CTNND2: variants seen among roughly 807,000 people sequenced by gnomAD.
CTNND2 encodes the protein catenin delta 2, also known as catenin delta-2.
CTNND2 carries 22 observed loss-of-function variants against 144.4 expected under a neutral mutation model. The observed-to-expected ratio is 0.15, with a 90% CI of 0.11 to 0.22. The LOEUF is 0.22. CTNND2 is among the 10% of genes least tolerant of loss of function. The pLI is 1.00. For synonymous variants in CTNND2, 751 were observed against 695.6 expected (o/e 1.08, Z -1.25); for missense variants, 1,353 against 1,618.8 (o/e 0.84, Z 2.82).
intron 8 of CTNND2, among the ~76,000 whole-genome samples, chr5:11,360,951 G>C (rs1756387684): frequency 6.6e-6 from 1 of 152,178 alleles, no homozygotes; most frequent in Admixed American, 6.5e-5. Flanking sequence ...GTTTTTAAAT[G>C]ATGATTTTTA....
intron 15 of CTNND2, among the ~76,000 whole-genome samples, chr5:11,093,140 G>C (rs1223991933): frequency 6.6e-6 from 1 of 152,200 alleles, no homozygotes; most frequent in Non-Finnish European, 1.5e-5. Context: ...GCAAATAACA[G>C]ATGCTTTGAA....
chr5:11,077,580 T>C (rs1045600869), intron 16 of CTNND2, among the ~76,000 whole-genome samples: 24 of 152,182 alleles, frequency 1.6e-4, no homozygotes, highest in African/African-American at 5.3e-4. Context: ...CTTCCACATC[T>C]GCCCTGCAAA....
intron 2 of CTNND2, among the ~76,000 whole-genome samples, chr5:11,640,877 T>C (rs1232314016): frequency 6.6e-6 from 1 of 152,188 alleles, no homozygotes; most frequent in Admixed American, 6.5e-5. Flanking sequence ...TACTGAACCC[T>C]ATCAACTCTG....
At chr5:11,771,646 G>A (rs1207924027) in intron 1 of CTNND2, among the ~76,000 whole-genome samples, 1 of 151,894 alleles carries the variant, frequency 6.6e-6, no homozygotes, top group Non-Finnish European at 1.5e-5. Context: ...CCTGACCCCC[G>A]TCTATTTACA....
intron 15 of CTNND2, among the ~76,000 whole-genome samples, chr5:11,085,499 G>T (rs1250186943): frequency 6.6e-6 from 1 of 152,154 alleles, no homozygotes; most frequent in Non-Finnish European, 1.5e-5. Flanking sequence ...CTTCCTGCAG[G>T]TGATGGGACA....
chr5:11,590,495 C>G (rs1397279896), intron 2 of CTNND2, among the ~76,000 whole-genome samples: 1 of 152,166 alleles, frequency 6.6e-6, no homozygotes, highest in Admixed American at 6.5e-5. Context: ...GCACCATGGT[C>G]AAGCCATCAT....
intron 11 of CTNND2, among the ~76,000 whole-genome samples, chr5:11,173,890 T>C (rs1265424223): frequency 1.3e-5 from 2 of 152,226 alleles, no homozygotes; most frequent in Non-Finnish European, 2.9e-5. Flanking sequence ...TGGTTGGTTT[T>C]TAAACACCAT....
chr5:11,089,087 C>T (rs1278560872), intron 15 of CTNND2, among the ~76,000 whole-genome samples: 1 of 152,200 alleles, frequency 6.6e-6, no homozygotes, highest in Non-Finnish European at 1.5e-5. Flanking sequence ...CAGCAGTCCT[C>T]TAAGTCACAC....
intron 3 of CTNND2, among the ~76,000 whole-genome samples, chr5:11,422,945 A>G (rs1049569234): frequency 6.6e-6 from 1 of 152,210 alleles, no homozygotes; most frequent in Non-Finnish European, 1.5e-5. Flanking sequence ...TATTCCCGGA[A>G]GCTTCTCATG....
chr5:11,351,213 C>T (rs1239453667), intron 8 of CTNND2, among the ~76,000 whole-genome samples: 2 of 152,210 alleles, frequency 1.3e-5, no homozygotes, highest in Non-Finnish European at 2.9e-5. Flanking sequence ...CCAAATCATT[C>T]TCCTTGTAGG....
intron 3 of CTNND2, among the ~76,000 whole-genome samples, chr5:11,512,850 G>C (rs1771780682): frequency 6.6e-6 from 1 of 152,182 alleles, no homozygotes; most frequent in Admixed American, 6.5e-5. Context: ...CACTGGCTTT[G>C]AGCAAAGTCT....
chr5:11,517,609 C>T (rs1021038791), intron 3 of CTNND2, among the ~76,000 whole-genome samples: 10 of 150,700 alleles, frequency 6.6e-5, no homozygotes, highest in African/African-American at 1.7e-4. Flanking sequence ...CATCACACAC[C>T]GGGGCCTCTC....
Position 11,326,298 on chromosome 5 carries a change from C to G in CTNND2, c.1628+20074G>C, listed in dbSNP as rs1318433854. Among the ~76,000 whole-genome samples the G allele has an allele frequency of 2.6e-5, 4 of 152,070 alleles. No individual in the cohort carries two copies. In the East Asian group the frequency reaches 7.7e-4, roughly 29 times the overall value. ...TTTCTATCTTTGGTTTTTATAGATG[C>G]AAGAGTTGAGAAGGTTTGTCCATAG... is the stretch of plus-strand genomic sequence containing the variant. On this transcript the variant is annotated intron_variant, in intron 9 of 21. Transcript: ENST00000304623.
intron 7 of CTNND2, among the ~76,000 whole-genome samples, chr5:11,370,112 A>G (rs547015300): frequency 3.9e-5 from 6 of 152,234 alleles, no homozygotes; most frequent in African/African-American, 9.6e-5. Flanking sequence ...GCAGCATTCA[A>G]TGGGAGATCA....
intron 3 of CTNND2, among the ~76,000 whole-genome samples, chr5:11,528,038 C>A (rs1773422779): frequency 6.6e-6 from 1 of 152,120 alleles, no homozygotes; most frequent in South Asian, 2.1e-4. Context: ...AAAACCCATG[C>A]AGTATGAGCA....
chr5:11,184,115 C>G (rs547840654), intron 11 of CTNND2, among the ~76,000 whole-genome samples: 1 of 152,190 alleles, frequency 6.6e-6, no homozygotes, highest in African/African-American at 2.4e-5. Flanking sequence ...ATCAGTATCT[C>G]GCAGTCTTAG....
At chr5:11,547,071 C>T (rs926512775) in intron 3 of CTNND2, among the ~76,000 whole-genome samples, 5 of 152,010 alleles carry the variant, frequency 3.3e-5, no homozygotes, top group Non-Finnish European at 5.9e-5. Context: ...GGGTTCAAGA[C>T]CAGCCTGGCC....
chr5:11,246,327 G>A (rs1742992968), intron 9 of CTNND2, among the ~76,000 whole-genome samples: 1 of 152,172 alleles, frequency 6.6e-6, no homozygotes, highest in Non-Finnish European at 1.5e-5. Context: ...AGATGTAATT[G>A]AGGTAAGGAT....
At chr5:11,246,923 T>C (rs1014321082) in intron 9 of CTNND2, among the ~76,000 whole-genome samples, 16 of 152,212 alleles carry the variant, frequency 1.1e-4, no homozygotes, top group Non-Finnish European at 1.5e-4. Flanking sequence ...CGGGCCCTAC[T>C]GGGAGACCAA....
Sources: allele counts gnomAD v4.1 joint callset (sites outside exome capture counted in the v4.1 genomes callset), GRCh38; gene constraint gnomAD v4.1.1; transcripts MANE v1.5; gene names NCBI Gene and HGNC (gene_info 2026-07-23, HGNC 2026-07-21).